The following NNT variants were observed in gnomAD, a reference collection of about 807,000 sequenced individuals.
The protein encoded by NNT is nicotinamide nucleotide transhydrogenase, also known as NAD(P) transhydrogenase, mitochondrial.
NNT carries 50 observed loss-of-function variants against 104.8 expected under a neutral mutation model. The observed-to-expected ratio is 0.48, with a 90% CI of 0.38 to 0.60. NNT has a LOEUF of 0.60. NNT is among the 20% of genes least tolerant of loss of function. The probability of loss-of-function intolerance (pLI) is 0.00; values close to 1 mark genes in which losing one functional copy is unlikely to be tolerated. For synonymous variants in NNT, 461 were observed against 490.4 expected (o/e 0.94, Z 0.79); for missense variants, 1,131 against 1,330.7 (o/e 0.85, Z 2.33).
intron 7 of NNT, among the ~76,000 whole-genome samples, chr5:43,634,116 A>G (rs1750817614): frequency 6.6e-6 from 1 of 152,214 alleles, no homozygotes; most frequent in African/African-American, 2.4e-5. Context: ...TATACTTGTT[A>G]GGATCTGTAA....
At chr5:43,678,073 T>C (rs565165171) in intron 19 of NNT, among the ~76,000 whole-genome samples, 1 of 152,066 alleles carries the variant, frequency 6.6e-6, no homozygotes, top group African/African-American at 2.4e-5. Flanking sequence ...GAAAGGAAAA[T>C]GTTACTAAGA....
At chr5:43,678,563 C>T (rs573828009) in intron 19 of NNT, among the ~76,000 whole-genome samples, 4 of 152,134 alleles carry the variant, frequency 2.6e-5, no homozygotes, top group East Asian at 3.9e-4. Context: ...AGAGGTCAAG[C>T]GAAGCATTTT....
intron 15 of NNT, 112 bp downstream of exon 15, chr5:43,656,185 G>T (rs1380116040): frequency 3.3e-6 from 3 of 897,390 alleles, no homozygotes; most frequent in Non-Finnish European, 5.1e-6. Flanking sequence ...GCTCATGCCT[G>T]CAATCCAGCA....
intron 19 of NNT, among the ~76,000 whole-genome samples, chr5:43,695,746 T>C (rs964001691): frequency 6.6e-6 from 1 of 152,176 alleles, no homozygotes; most frequent in East Asian, 1.9e-4. Context: ...CAGCTCCACA[T>C]GGGTGGGAAG....
At chr5:43,635,748 A>G (rs923443616) in intron 7 of NNT, among the ~76,000 whole-genome samples, 3 of 151,914 alleles carry the variant, frequency 2.0e-5, no homozygotes, top group African/African-American at 7.3e-5. Context: ...TTCTCTTTTT[A>G]TGCTTCAATT....
intron 17 of NNT, chr5:43,667,045 T>G (rs559410942): frequency 5.7e-4 from 917 of 1,596,668 alleles, no homozygotes; most frequent in Non-Finnish European, 7.4e-4. Flanking sequence ...ACTCATGGCC[T>G]TGGCATTGTT....
At chr5:43,685,415 G>C (rs558105101) in intron 19 of NNT, among the ~76,000 whole-genome samples, 1 of 152,132 alleles carries the variant, frequency 6.6e-6, no homozygotes, top group Non-Finnish European at 1.5e-5. Flanking sequence ...AACATTTGGA[G>C]TATGGACATA....
chr5:43,697,707 A>T (rs1027936640), intron 19 of NNT, among the ~76,000 whole-genome samples: 4 of 152,164 alleles, frequency 2.6e-5, no homozygotes, highest in Admixed American at 6.6e-5. Flanking sequence ...AGCAAGTCAC[A>T]TCTTATGTGG....
At chr5:43,636,918 C>T (rs1405045633) in intron 7 of NNT, among the ~76,000 whole-genome samples, 1 of 152,034 alleles carries the variant, frequency 6.6e-6, no homozygotes, top group Non-Finnish European at 1.5e-5. Context: ...TTAAATAGAT[C>T]TTTAGGAATT....
chr5:43,625,449 A>G (rs1750310431), intron 6 of NNT, among the ~76,000 whole-genome samples: 2 of 152,130 alleles, frequency 1.3e-5, no homozygotes, highest in Admixed American at 1.3e-4. Context: ...GTGATTTAAT[A>G]CTTTTCTAAG....
rs1434203066 is a variant in NNT at position 43,671,610 on chromosome 5, C to T, written c.2635-3901C>T. Among the ~76,000 whole-genome samples, 4 of 152,168 alleles carry T rather than the reference C, an allele frequency of 2.6e-5. No individual in the cohort carries two copies. The East Asian group carries it at 5.8e-4, about 22-fold the overall frequency. On this transcript the variant is annotated intron_variant, in intron 17 of 21. Transcript: ENST00000344920. The stretch of plus-strand genomic sequence containing the variant: ...TTTCTTTAAGAATGTTGAATATTGG[C>T]CCCCACTCTCTTCTGGCTTGTAGAG...
chr5:43,692,276 T>C (rs1213459898), intron 19 of NNT, among the ~76,000 whole-genome samples: 3 of 152,154 alleles, frequency 2.0e-5, no homozygotes, highest in Admixed American at 6.5e-5. Flanking sequence ...CATGCAAATA[T>C]CTTGCTCTTC....
rs556966238 is a variant in NNT, at chr5:43,693,799, G to T, written c.2877-6320G>T. Among the ~76,000 whole-genome samples the T allele has an allele frequency of 2.0e-5, 3 of 152,326 alleles. No individual in the cohort carries two copies. The East Asian group carries it at 5.8e-4, about 29-fold the overall frequency. On this transcript the variant is annotated intron_variant, in intron 19 of 21. Transcript: ENST00000344920. ...TTGAAGAACCTAAAACCTGCATTAA[G>T]ATGGTGAGGTTGGATGACCACCTAA...
Position 43,704,396 on chromosome 5 carries a change from C to G in NNT, c.3253C>G (p.Gln1085Glu). Residue 1085 changes from glutamine (Q) to glutamate (E), a missense_variant, in exon 22 of 22, where the codon CAG becomes GAG. Physicochemically the swap from Gln to Glu is conservative, Grantham distance 29. Transcript: ENST00000344920. ...CCAGGCGAAAGTTAGAGAATCCTAT[C>G]AGAAGTAAATATTAAGGATCAAGCT... The part of the protein sequence containing the change: ...ALQAKVRESY[Q>E]K 1 of 1,613,530 alleles carries G rather than the reference C, an allele frequency of 6.2e-7. No homozygotes were observed. Among genetic ancestry groups the G allele is most frequent in the Non-Finnish European group, 8.5e-7 (1 of 1,179,614 alleles).
intron 7 of NNT, among the ~76,000 whole-genome samples, chr5:43,640,632 C>T (rs13175688): frequency 0.034 from 5,130 of 151,946 alleles, 135 homozygotes; most frequent in East Asian, 0.12. Context: ...CACCTGTGAT[C>T]TCTCCACATC....
At position 43,704,357 on chromosome 5, in the gene NNT, A is replaced by C; in HGVS notation, c.3214A>C (p.Thr1072Pro). The C allele has an allele frequency of 6.2e-7, 1 of 1,613,784 alleles. No individual in the cohort carries two copies. Among genetic ancestry groups the C allele is most frequent in the Non-Finnish European group, 8.5e-7 (1 of 1,179,756 alleles). The change falls in exon 22 of 22, where the codon ACA becomes CCA. Residue 1072 changes from threonine to proline, a missense_variant. Physicochemically the swap from Thr to Pro is conservative, Grantham distance 38. Transcript: ENST00000344920. ...CATGCTTCTAGGTGATGCCAAGAAAACATGTGACGCGCTCCAGGCGAAAGT... is the reference window on the plus strand; with the variant it reads ...CATGCTTCTAGGTGATGCCAAGAAACCATGTGACGCGCTCCAGGCGAAAGT... ...TAMLLGDAKK[T>P]CDALQAKVRE...
At position 43,656,002 on chromosome 5, in the gene NNT, T is replaced by C. The variant is rs1251675079; in HGVS notation, c.2222T>C (p.Val741Ala). 3.7e-6 allele frequency: 6 copies of C among 1,614,120 alleles called. No individual in the cohort carries two copies. Among genetic ancestry groups the C allele is most frequent in the Non-Finnish European group, 4.2e-6 (5 of 1,180,038 alleles). Reference protein sequence around the residue: ...TDAAANLTKIVAYLGTYIGGV... With the variant: ...TDAAANLTKIAAYLGTYIGGV... The stretch of plus-strand genomic sequence containing the variant: ...GCAGCAGCAAATCTCACCAAGATTG[T>C]GGCCTACCTCGGCACTTACATTGGT... The change falls in exon 15 of 22, where the codon GTG (valine) becomes GCG (alanine). Residue 741 changes from valine to alanine, a missense_variant. Coordinates refer to ENST00000344920, the MANE Select transcript of NNT (RefSeq NM_182977.3).
At chr5:43,613,172 T>C in intron 3 of NNT, 35 bp downstream of exon 3, 1 of 1,494,278 alleles carries the variant, frequency 6.7e-7, no homozygotes, top group South Asian at 1.2e-5. Context: ...ATTTACAGCA[T>C]GCTGACTTTT....
intron 17 of NNT, among the ~76,000 whole-genome samples, chr5:43,670,376 G>A (rs906126015): frequency 6.6e-6 from 1 of 151,920 alleles, no homozygotes. Context: ...GTGATGTTAG[G>A]GTGTCAATTT....
Sources: allele counts gnomAD v4.1 joint callset (sites outside exome capture counted in the v4.1 genomes callset), GRCh38; gene constraint gnomAD v4.1.1; transcripts MANE v1.5; gene names NCBI Gene and HGNC (gene_info 2026-07-23, HGNC 2026-07-21).